The following SIPA1 variants were observed in gnomAD, a reference collection of about 807,000 sequenced individuals.
SIPA1 encodes the protein signal-induced proliferation-associated protein 1.
Under a neutral mutation model 88.1 loss-of-function variants are expected in SIPA1, and 51 were observed. That is an observed-to-expected ratio of 0.58 (90% CI 0.46 to 0.73). SIPA1 has a LOEUF of 0.73. Among genes scored for constraint, SIPA1 ranks in the 30% least tolerant of loss-of-function variants. The probability of loss-of-function intolerance (pLI) is 0.00; values close to 1 mark genes in which losing one functional copy is unlikely to be tolerated. For synonymous variants in SIPA1, 681 were observed against 664.8 expected (o/e 1.02, Z -0.37); for missense variants, 1,348 against 1,467.6 (o/e 0.92, Z 1.33).
intron 1 of SIPA1, chr11:65,638,488 A>G (rs1855941866): frequency 6.6e-6 from 1 of 152,090 alleles, no homozygotes; most frequent in Non-Finnish European, 1.5e-5. Context: ...CAACACTGCA[A>G]GTGTGTGCGG....
chr11:65,641,385 G>T lies in SIPA1; in HGVS notation c.464G>T (p.Ser155Ile). 1 of 1,613,232 alleles carries T rather than the reference G, an allele frequency of 6.2e-7. No individual in the cohort carries two copies. The highest frequency in any genetic ancestry group is 1.1e-5 in the South Asian group (1 of 91,080). The change falls in exon 2 of 16, where the codon AGC becomes ATC. Residue 155 changes from serine (S) to isoleucine (I), a missense_variant. Ser to Ile is a moderately radical substitution (Grantham distance 142). Around this residue, in one of 4 missense-constraint regions of SIPA1, gnomAD observed 641 missense variants for 797.7 expected, o/e 0.80. Transcript: ENST00000534313. ...GCTTCAGCCGAGGACCAGGCTGCCA[G>T]CTCGGACCTGCTGCATGGGGCACCT... ...TLASAEDQAA[S>I]SDLLHGAPGF... is the part of the protein sequence containing the mutation.
At position 65,649,637 on chromosome 11, in the gene SIPA1, G is replaced by A; in HGVS notation, c.2602G>A (p.Val868Ile). The change falls in exon 11 of 16, where the codon GTA (valine) becomes ATA (isoleucine). Residue 868 changes from valine (V) to isoleucine (I), a missense_variant. Coordinates refer to ENST00000534313, the MANE Select transcript of SIPA1 (RefSeq NM_006747.4). Reference protein sequence around the residue: ...LLLATTAKPSVPSADSETPLT... With the variant: ...LLLATTAKPSIPSADSETPLT... The stretch of plus-strand genomic sequence containing the variant: ...CCTGGCCACCACAGCCAAGCCATCA[G>A]TACCCAGTGCTGACAGTGAGACACC... 1 of 1,614,076 alleles carries A rather than the reference G, an allele frequency of 6.2e-7. No individual in the cohort carries two copies. The highest frequency in any genetic ancestry group is 8.5e-7 in the Non-Finnish European group (1 of 1,180,032).
At position 65,642,669 on chromosome 11, in the gene SIPA1, A is replaced by T; in HGVS notation, c.984+30A>T. ...GTGGCGGGCCGCGGAGCCCCCAGCC[A>T]TACAGCTGGCCCCAGTCTGAACCCA... On this transcript the variant is annotated intron_variant, in intron 4 of 15. Transcript: ENST00000534313. The surrounding 1 kb of genome is among the most constrained non-coding windows in gnomAD (Gnocchi z 6.5). 3 of 1,493,402 alleles carry T rather than the reference A, an allele frequency of 2.0e-6. No homozygotes were observed. Among genetic ancestry groups the T allele is most frequent in the Non-Finnish European group, 2.7e-6 (3 of 1,119,906 alleles). 92.5% of individuals were successfully genotyped at this position (1,493,402 alleles called of 1,614,324 possible). A position where few individuals can be genotyped will look rare whatever the true frequency, so the allele number is the denominator to read the frequency against.
intron 9 of SIPA1, 115 bp downstream of exon 9, chr11:65,647,773 T>A: frequency 1.2e-6 from 1 of 816,990 alleles, no homozygotes; most frequent in Non-Finnish European, 1.6e-6. Context: ...TACCTTTCCT[T>A]CTGGAAAGAA....
chr11:65,645,799 G>A, intron 5 of SIPA1, 55 bp from the exon 6 acceptor site: 1 of 1,334,142 alleles, frequency 7.5e-7, no homozygotes, highest in South Asian at 1.3e-5. Flanking sequence ...GCAAGTTCAA[G>A]CCACTTAGAT....
chr11:65,641,481 C>T lies in SIPA1; in HGVS notation c.560C>T (p.Pro187Leu). The stretch of plus-strand genomic sequence containing the variant: ...GGACCAGCATCCCCACCTGTGCCCC[C>T]TGCACTGCCCAACGCGGCCGTGTCC... ...LGGPASPPVP[P>L]ALPNAAVSIL... is the part of the protein sequence containing the mutation. The change falls in exon 2 of 16, where the codon CCT becomes CTT. Residue 187 changes from proline (P) to leucine (L), a missense_variant. Pro to Leu is a moderately conservative substitution (Grantham distance 98). Around this residue, in one of 4 missense-constraint regions of SIPA1, gnomAD observed 641 missense variants for 797.7 expected, o/e 0.80. Transcript: ENST00000534313. The T allele has an allele frequency of 6.2e-7, 1 of 1,612,248 alleles. No homozygotes were observed. The highest frequency in any genetic ancestry group is 8.5e-7 in the Non-Finnish European group (1 of 1,180,018).
chr11:65,650,224 C>T, intron 14 of SIPA1, 32 bp downstream of exon 14: 1 of 1,610,758 alleles, frequency 6.2e-7, no homozygotes, highest in Non-Finnish European at 8.5e-7. Flanking sequence ...AGCCGCTTTA[C>T]CTGCCCACAT....
rs777558053 is a variant in SIPA1, at chr11:65,650,123, C to T, written c.2849-15C>T. On this transcript the variant is annotated splice_polypyrimidine_tract_variant and intron_variant, in intron 13 of 15. Transcript: ENST00000534313. ...CCCTTTCTGACCTGCCCACCTGATC[C>T]CTTTGTCCCCACAGGACAGCCCATC... 2 of 1,613,890 alleles carry T rather than the reference C, an allele frequency of 1.2e-6. No individual in the cohort carries two copies. The highest frequency in any genetic ancestry group is 1.6e-4 in the Middle Eastern group (1 of 6,082).
rs1269117453 is a variant in SIPA1 at position 65,642,318 on chromosome 11, A to G, written c.748A>G (p.Lys250Glu). Residue 250 changes from lysine to glutamate, a missense_variant, in exon 3 of 16, where the codon AAG becomes GAG. Lys to Glu is a moderately conservative substitution (Grantham distance 56). Transcript: ENST00000534313. The surrounding 1 kb of genome is among the most constrained non-coding windows in gnomAD (Gnocchi z 6.5). Reference protein sequence around the residue: ...PVAVSLRREEKEGSGGGTLHS... With the variant: ...PVAVSLRREEEEGSGGGTLHS... ...GGCAGTGAGCCTGCGGCGGGAGGAGAAGGAGGGCAGCGGAGGGGGCACCCT... is the reference window on the plus strand; with the variant it reads ...GGCAGTGAGCCTGCGGCGGGAGGAGGAGGAGGGCAGCGGAGGGGGCACCCT... 3 of 1,546,948 alleles carry G rather than the reference A, an allele frequency of 1.9e-6. No homozygotes were observed. The highest frequency in any genetic ancestry group is 2.6e-6 in the Non-Finnish European group (3 of 1,147,264).
Position 65,642,068 on chromosome 11 carries a change from C to T in SIPA1, c.680-182C>T, listed in dbSNP as rs1590918416. The T allele has an allele frequency of 1.1e-6, 1 of 884,760 alleles. No individual in the cohort carries two copies. Among genetic ancestry groups the T allele is most frequent in the South Asian group, 1.8e-5 (1 of 56,478 alleles). The allele number at this position is 884,760 out of a possible 1,614,324, so 54.8% of individuals were successfully genotyped here. The stretch of plus-strand genomic sequence containing the variant: ...GGTCTAGGTCTGGGTCTGGGTCCAC[C>T]TCTGGGTCAGGGTTGAGATCAAGAT... On this transcript the variant is annotated intron_variant, in intron 2 of 15. Coordinates refer to ENST00000534313, the MANE Select transcript of SIPA1 (RefSeq NM_006747.4). The surrounding 1 kb of genome is among the most constrained non-coding windows in gnomAD (Gnocchi z 6.5).
Position 65,642,302 on chromosome 11 carries a change from C to T in SIPA1, c.732C>T (p.Ser244=). 6.4e-7 allele frequency: 1 copy of T among 1,554,916 alleles called. No homozygotes were observed. The highest frequency in any genetic ancestry group is 1.2e-5 in the South Asian group (1 of 84,398). ...AGTCGCTGGGCCCGGTGGCAGTGAGCCTGCGGCGGGAGGAGAAGGAGGGCA... is the reference window on the plus strand; with the variant it reads ...AGTCGCTGGGCCCGGTGGCAGTGAGTCTGCGGCGGGAGGAGAAGGAGGGCA... ...MDESLGPVAV[S]LRREEKEGSG... The change falls in exon 3 of 16, where the codon AGC becomes AGT. Residue 244 remains serine, a synonymous_variant. Coordinates refer to ENST00000534313, the MANE Select transcript of SIPA1 (RefSeq NM_006747.4). The surrounding 1 kb of genome is among the most constrained non-coding windows in gnomAD (Gnocchi z 6.5).
At chr11:65,640,802 C>A in intron 1 of SIPA1, 29 bp from the exon 2 acceptor site, 2 of 893,282 alleles carry the variant, frequency 2.2e-6, no homozygotes, top group Non-Finnish European at 3.2e-6. Flanking sequence ...TCTGCCCAGG[C>A]CCCTCTGAGC....
intron 8 of SIPA1, 67 bp from the exon 9 acceptor site, chr11:65,647,316 CA>C: frequency 7.3e-7 from 1 of 1,369,728 alleles, no homozygotes. Flanking sequence ...GGACGCAGTC[CA>C]GGGGGCGGGC....
Position 65,647,401 on chromosome 11 carries a change from C to T in SIPA1, c.2049C>T (p.Cys683=), listed in dbSNP as rs1200752075. ...VARLQLVSRG[C]ETRELALPRD... is the part of the protein sequence containing the mutation. ...GTCCGCAGCTGGTGAGCCGTGGCTG[C>T]GAGACCCGCGAGCTGGCGCTGCCCC... is the stretch of plus-strand genomic sequence containing the variant. Residue 683 remains cysteine, a synonymous_variant, in exon 9 of 16, where the codon TGC becomes TGT. Coordinates refer to ENST00000534313, the MANE Select transcript of SIPA1 (RefSeq NM_006747.4). The T allele has an allele frequency of 1.4e-6, 2 of 1,457,544 alleles. No individual in the cohort carries two copies. Among genetic ancestry groups the T allele is most frequent in the South Asian group, 1.3e-5 (1 of 76,954 alleles). The allele number at this position is 1,457,544 out of a possible 1,614,324, so 90.3% of individuals were successfully genotyped here.
chr11:65,647,440 C>A lies in SIPA1; in HGVS notation c.2088C>A (p.Gly696=), dbSNP rs768710844. ...TGGCGCTGCCCCGCGACGGTCAAGG[C>A]CGCCTGGGCTTCGAGGTGGACGCCG... is the stretch of plus-strand genomic sequence containing the variant. ...RELALPRDGQ[G]RLGFEVDAEG... Residue 696 remains glycine (G), a synonymous_variant, in exon 9 of 16, where the codon GGC becomes GGA. Coordinates refer to ENST00000534313, the MANE Select transcript of SIPA1 (RefSeq NM_006747.4). The A allele has an allele frequency of 1.4e-6, 2 of 1,481,282 alleles. No individual in the cohort carries two copies. Among genetic ancestry groups the A allele is most frequent in the South Asian group, 1.2e-5 (1 of 80,036 alleles). 91.8% of individuals were successfully genotyped at this position (1,481,282 alleles called of 1,614,324 possible). A position where few individuals can be genotyped will look rare whatever the true frequency, so the allele number is the denominator to read the frequency against.
intron 2 of SIPA1, among the ~76,000 whole-genome samples, chr11:65,641,943 C>CA (rs1165676839): frequency 6.6e-6 from 1 of 152,162 alleles, no homozygotes; most frequent in African/African-American, 2.4e-5. Flanking sequence ...ACCTTGTTCG[C>CA]ACCAGCACTG....
Position 65,642,657 on chromosome 11 carries a change from G to A in SIPA1, c.984+18G>A, listed in dbSNP as rs1215523853. The A allele has an allele frequency of 1.3e-6, 2 of 1,512,332 alleles. No homozygotes were observed. The highest frequency in any genetic ancestry group is 1.8e-6 in the Non-Finnish European group (2 of 1,130,282). The allele number at this position is 1,512,332 out of a possible 1,614,324, so 93.7% of individuals were successfully genotyped here. ...AGCAAGTGGTGAGTGGCGGGCCGCG[G>A]AGCCCCCAGCCATACAGCTGGCCCC... On this transcript the variant is annotated intron_variant, in intron 4 of 15. Transcript: ENST00000534313. This position sits in a 1 kb window ranked among gnomAD's most constrained non-coding sequence, Gnocchi z 6.5.
At position 65,641,123 on chromosome 11, in the gene SIPA1, C is replaced by CCCCGTG. The variant is rs1007730031; in HGVS notation, c.212_217dup (p.Arg71_Ala72dup). Reference sequence around the variant, plus strand: ...GGCCAGGCCCCCCACGCCAGCCAGCCCCCGTGCCCGTGCCCACAGCCACGA... The same window carrying CCCCGTG: ...GGCCAGGCCCCCCACGCCAGCCAGCCCCCGTGCCCGTGCCCGTGCCCACAGCCACGA... On this transcript the variant is annotated inframe_insertion, in exon 2 of 16. Coordinates refer to ENST00000534313, the MANE Select transcript of SIPA1 (RefSeq NM_006747.4). 6.9e-6 allele frequency: 11 copies of CCCCGTG among 1,602,300 alleles called. No homozygotes were observed. The African/African-American group carries it at 1.5e-4, about 21-fold the overall frequency.
At position 65,650,135 on chromosome 11, in the gene SIPA1, C is replaced by A. The variant is rs757242656; in HGVS notation, c.2849-3C>A. On this transcript the variant is annotated splice_region_variant and splice_polypyrimidine_tract_variant and intron_variant, in intron 13 of 15. Transcript: ENST00000534313. ...TGCCCACCTGATCCCTTTGTCCCCA[C>A]AGGACAGCCCATCCCAGAGAGTGGA... 1.2e-6 allele frequency: 2 copies of A among 1,614,004 alleles called. No homozygotes were observed. The highest frequency in any genetic ancestry group is 1.7e-6 in the Non-Finnish European group (2 of 1,179,990).
Sources: allele counts gnomAD v4.1 joint callset (sites outside exome capture counted in the v4.1 genomes callset), GRCh38; gene constraint gnomAD v4.1.1; regional missense constraint gnomAD v4.1.1; non-coding constraint Gnocchi (gnomAD v3.1); transcripts MANE v1.5; gene names NCBI Gene and HGNC (gene_info 2026-07-23, HGNC 2026-07-21).